ZFAT: variants seen among roughly 807,000 people sequenced by gnomAD.
ZFAT encodes the protein zinc finger protein ZFAT.
Under a neutral mutation model 117.7 loss-of-function variants are expected in ZFAT, and 64 were observed. The ratio of observed to expected loss-of-function variants is 0.54; its 90% CI spans 0.44 to 0.67. The LOEUF (loss-of-function observed/expected upper bound fraction) is 0.67. Ranked by LOEUF, ZFAT falls within the 30% of genes least tolerant of loss-of-function variation. The probability of loss-of-function intolerance (pLI) is 0.00; values close to 1 mark genes in which losing one functional copy is unlikely to be tolerated. For missense variants in ZFAT, 1,433 were observed against 1,584.5 expected, an observed-to-expected ratio of 0.90 and a Z score of 1.62; for synonymous variants, 679 against 615.0, an observed-to-expected ratio of 1.10 and a Z score of -1.54.
In ZFAT at chr8:134,601,711, G is replaced by T; in HGVS notation, c.2008C>A (p.Pro670Thr). 5 of 1,613,172 alleles carry T rather than the reference G, an allele frequency of 3.1e-6. No individual in the cohort carries two copies. Among genetic ancestry groups the T allele is most frequent in the Non-Finnish European group, 4.2e-6 (5 of 1,179,396 alleles). The stretch of plus-strand genomic sequence containing the variant: ...GGGTTTGACCTGAGACACCTGCTGG[G>T]ATCTGGGTCACCAGCTGAAAGCACA... ...MAVLSAGDPD[P>T]SRCLRSNPAE... The change falls in exon 6 of 16, where the codon CCC becomes ACC. Residue 670 changes from proline to threonine, a missense_variant. Physicochemically the swap from Pro to Thr is conservative, Grantham distance 38. Transcript: ENST00000377838.
chr8:134,675,543 C>G (rs748162843), intron 1 of ZFAT, among the ~76,000 whole-genome samples: 2 of 152,164 alleles, frequency 1.3e-5, no homozygotes, highest in African/African-American at 2.4e-5. Flanking sequence ...AGGATATTAT[C>G]CAGGAGAACT....
chr8:134,645,400 T>A (rs1830825627), intron 2 of ZFAT, among the ~76,000 whole-genome samples: 1 of 152,208 alleles, frequency 6.6e-6, no homozygotes, highest in African/African-American at 2.4e-5. Context: ...CTTTTTAAAA[T>A]TTTTTGTCAT....
the ZFAT span, among the ~76,000 whole-genome samples, chr8:134,721,968 GA>G: frequency 6.6e-6 from 1 of 152,194 alleles, no homozygotes; most frequent in Non-Finnish European, 1.5e-5. Context: ...ACTTCATTAT[GA>G]AAAAGGGATC....
intron 11 of ZFAT, among the ~76,000 whole-genome samples, chr8:134,551,870 A>G (rs6578230): frequency 0.8 from 122,212 of 152,126 alleles, 49,661 homozygotes; most frequent in East Asian, 0.91. Flanking sequence ...AAAGGCCTTC[A>G]GGACTTATTT....
intron 11 of ZFAT, chr8:134,565,067 T>C (rs1460082987): frequency 2.1e-6 from 3 of 1,434,596 alleles, no homozygotes; most frequent in Non-Finnish European, 2.8e-6. Flanking sequence ...CCAGTGCTTT[T>C]ATGCAAAGAT....
chr8:134,826,408 A>G, the ZFAT span, among the ~76,000 whole-genome samples: 2 of 152,252 alleles, frequency 1.3e-5, no homozygotes, highest in African/African-American at 2.4e-5. Context: ...AACCTACTTA[A>G]AAGTAGTTCC....
At chr8:134,682,626 T>G (rs1035888519) in intron 1 of ZFAT, among the ~76,000 whole-genome samples, 1 of 152,184 alleles carries the variant, frequency 6.6e-6, no homozygotes, top group Non-Finnish European at 1.5e-5. Flanking sequence ...TTGCACTCCA[T>G]TGTGGGTGAC....
In ZFAT at chr8:134,644,874, C is replaced by T. The variant is rs141396192; in HGVS notation, c.197-7162G>A. Among the ~76,000 whole-genome samples, 68 of 152,200 alleles carry T rather than the reference C, an allele frequency of 4.5e-4. 1 individual carries two copies. The highest frequency in any genetic ancestry group is 1.3e-3 in the African/African-American group (53 of 41,516). On this transcript the variant is annotated intron_variant, in intron 2 of 15. Coordinates refer to ENST00000377838, the MANE Select transcript of ZFAT (RefSeq NM_020863.4). ...ACCATCTATATACACAATCACACAACGTGCACACTCAAACGTGCCTATATA... is the reference window on the plus strand; with the variant it reads ...ACCATCTATATACACAATCACACAATGTGCACACTCAAACGTGCCTATATA...
At chr8:134,603,552 T>G (rs150686759) in intron 5 of ZFAT, among the ~76,000 whole-genome samples, 3 of 152,344 alleles carry the variant, frequency 2.0e-5, no homozygotes, top group Admixed American at 6.5e-5. Context: ...CAAGTTTCCA[T>G]GTGAGGGCCA....
In ZFAT at chr8:134,478,830, G is replaced by A. The variant is rs1313927891; in HGVS notation, c.3493-109C>T. ...AGGCACCAGTGCGCTGCGGGAGCAC[G>A]TCCATTCTCCACGGATCCTCTCTAC... is the stretch of plus-strand genomic sequence containing the variant. On this transcript the variant is annotated intron_variant, in intron 15 of 15. Transcript: ENST00000377838. The surrounding 1 kb of genome is among the most constrained non-coding windows in gnomAD (Gnocchi z 5.2). 1.3e-5 allele frequency: 19 copies of A among 1,433,280 alleles called. No homozygotes were observed. The highest frequency in any genetic ancestry group is 1.6e-5 in the Non-Finnish European group (17 of 1,073,184). The allele number at this position is 1,433,280 out of a possible 1,614,324, so 88.8% of individuals were successfully genotyped here. A position where few individuals can be genotyped will look rare whatever the true frequency, so the allele number is the denominator to read the frequency against.
At chr8:134,586,281 C>G (rs1020419244) in intron 9 of ZFAT, among the ~76,000 whole-genome samples, 22 of 152,362 alleles carry the variant, frequency 1.4e-4, no homozygotes, top group South Asian at 6.2e-4. Flanking sequence ...ACTGCATCAT[C>G]ACAAGTCTTT....
At chr8:134,775,558 G>A in the ZFAT span, among the ~76,000 whole-genome samples, 2 of 152,106 alleles carry the variant, frequency 1.3e-5, no homozygotes, top group Non-Finnish European at 2.9e-5. Flanking sequence ...ACCTTGTCCC[G>A]AGAGCCATGA....
chr8:134,824,134 T>C, the ZFAT span, among the ~76,000 whole-genome samples: 1 of 152,236 alleles, frequency 6.6e-6, no homozygotes, highest in South Asian at 2.1e-4. Flanking sequence ...TATGGAAAGA[T>C]GACCAAGGTT....
intron 12 of ZFAT, among the ~76,000 whole-genome samples, chr8:134,521,862 GGGGAAT>G (rs1393097026): frequency 6.6e-6 from 1 of 152,222 alleles, no homozygotes; most frequent in Non-Finnish European, 1.5e-5. Flanking sequence ...AGCTGGGCCA[GGGGAAT>G]GAGCCCTCTC....
chr8:134,572,803 GA>G (rs11347412), intron 10 of ZFAT, among the ~76,000 whole-genome samples: 30,028 of 145,450 alleles, frequency 0.21, 4,519 homozygotes, highest in African/African-American at 0.42. Context: ...CCACGGTGGG[GA>G]AAAAAAAAAA....
the ZFAT span, among the ~76,000 whole-genome samples, chr8:134,732,484 C>T: frequency 1.3e-5 from 2 of 152,200 alleles, no homozygotes; most frequent in African/African-American, 4.8e-5. Context: ...CTTGCCCCTC[C>T]TGTCCGACTC....
chr8:134,545,498 T>C (rs1020408793), intron 11 of ZFAT, among the ~76,000 whole-genome samples: 17 of 152,096 alleles, frequency 1.1e-4, no homozygotes, highest in African/African-American at 4.1e-4. Context: ...CTACAAAAAG[T>C]AATAAATTAA....
chr8:134,715,157 T>C (rs1254522118), upstream of ZFAT, among the ~76,000 whole-genome samples: 2 of 152,236 alleles, frequency 1.3e-5, no homozygotes, highest in African/African-American at 4.8e-5. Flanking sequence ...TGTTTATTGA[T>C]TAGCAGATGG....
intron 3 of ZFAT, among the ~76,000 whole-genome samples, chr8:134,635,960 TG>T (rs1830186821): frequency 6.6e-6 from 1 of 152,202 alleles, no homozygotes; most frequent in Non-Finnish European, 1.5e-5. Context: ...TTGATCCTCA[TG>T]GGTTATTTTC....
Sources: gnomAD v4.1 joint callset for allele counts (sites outside exome capture counted in the v4.1 genomes callset) on GRCh38, gnomAD v4.1.1 for gene constraint, Gnocchi (gnomAD v3.1) non-coding constraint, MANE v1.5 for transcripts, NCBI Gene and HGNC (gene_info 2026-07-23, HGNC 2026-07-21) for gene names.